The following NBEA variants were observed in gnomAD, a reference collection of about 807,000 sequenced individuals.
NBEA encodes the protein lysosomal-trafficking regulator 2.
In NBEA, 44 loss-of-function variants were observed where a neutral mutation model predicts 343.4. That is an observed-to-expected ratio of 0.13 (90% confidence interval 0.10 to 0.16). The LOEUF (loss-of-function observed/expected upper bound fraction) is 0.16. Among genes scored for constraint, NBEA ranks in the 10% least tolerant of loss-of-function variants. NBEA has a pLI of 1.00. For synonymous variants in NBEA, 1,175 were observed against 1,238.7 expected, an observed-to-expected ratio of 0.95 and a Z score of 1.08; for missense variants, 2,555 against 3,631.3, an observed-to-expected ratio of 0.70 and a Z score of 7.62.
At chr13:35,425,906 CTTCT>C (rs1476863449) in intron 38 of NBEA, among the ~76,000 whole-genome samples, 4 of 152,126 alleles carry the variant, frequency 2.6e-5, no homozygotes, top group African/African-American at 7.2e-5. Context: ...ATGTAATGGC[CTTCT>C]TTGTCTCTTT....
At chr13:35,594,946 A>ATC (rs1236509919) in intron 47 of NBEA, among the ~76,000 whole-genome samples, 7 of 118,852 alleles carry the variant, frequency 5.9e-5, no homozygotes, top group Admixed American at 1.6e-4. Flanking sequence ...GTTTGACATC[A>ATC]TCACACACAC....
chr13:35,460,681 T>C (rs1011717918), intron 40 of NBEA, among the ~76,000 whole-genome samples: 1 of 152,254 alleles, frequency 6.6e-6, no homozygotes, highest in East Asian at 1.9e-4. Context: ...TAAGGTACTC[T>C]TAATTGTAAC....
At chr13:35,138,084 G>A (rs912620816) in intron 17 of NBEA, among the ~76,000 whole-genome samples, 14 of 152,174 alleles carry the variant, frequency 9.2e-5, no homozygotes, top group African/African-American at 3.4e-4. Flanking sequence ...GACAGTATCA[G>A]GAAGTTCTTG....
At chr13:35,236,083 T>C (rs549958193) in intron 34 of NBEA, among the ~76,000 whole-genome samples, 24 of 152,320 alleles carry the variant, frequency 1.6e-4, no homozygotes, top group African/African-American at 5.5e-4. Context: ...CTTCTCTTTA[T>C]AAAATGATGA....
chr13:35,274,523 G>C (rs1318969287), intron 34 of NBEA, among the ~76,000 whole-genome samples: 1 of 152,126 alleles, frequency 6.6e-6, no homozygotes, highest in African/African-American at 2.4e-5. Context: ...GGGCAATCAG[G>C]CAAGAGAAAG....
At position 35,569,994 on chromosome 13, in the gene NBEA, T is replaced by C. The variant is rs116131531; in HGVS notation, c.7035+2977T>C. On this transcript the variant is annotated intron_variant, in intron 45 of 58. Transcript: ENST00000379939. ...TCACTGTTTCTACAGTAACTGAAGA[T>C]ATAAACATTTCAAGGTTTTGTTTGT... Among the ~76,000 whole-genome samples, 777 of 152,314 alleles carry C rather than the reference T, an allele frequency of 5.1e-3. 10 individuals are homozygous for C. Among genetic ancestry groups the C allele is most frequent in the African/African-American group, 0.018 (730 of 41,570 alleles).
chr13:35,204,178 G>C lies in NBEA; in HGVS notation c.5367-4522G>C, dbSNP rs570420137. Among the ~76,000 whole-genome samples the C allele has an allele frequency of 6.6e-5, 10 of 152,256 alleles. No individual in the cohort carries two copies. In the South Asian group the frequency reaches 2.1e-3, roughly 32 times the overall value. ...GTGGTGGCATTGGATTCTTCTAGGAGTACAAACCCTACTGTGAACTGTGCA... is the reference window on the plus strand; with the variant it reads ...GTGGTGGCATTGGATTCTTCTAGGACTACAAACCCTACTGTGAACTGTGCA... On this transcript the variant is annotated intron_variant, in intron 31 of 58. Coordinates refer to ENST00000379939, the MANE Select transcript of NBEA (RefSeq NM_001385012.1).
At chr13:35,344,607 G>T (rs918950940) in intron 36 of NBEA, among the ~76,000 whole-genome samples, 5 of 151,790 alleles carry the variant, frequency 3.3e-5, no homozygotes, top group Non-Finnish European at 5.9e-5. Flanking sequence ...AATTAGAAAA[G>T]AAAATGAGAG....
intron 35 of NBEA, among the ~76,000 whole-genome samples, chr13:35,307,310 C>G (rs1247354735): frequency 6.6e-6 from 1 of 151,996 alleles, no homozygotes; most frequent in Non-Finnish European, 1.5e-5. Flanking sequence ...ACAAATTACT[C>G]TTCTAAAACA....
intron 34 of NBEA, among the ~76,000 whole-genome samples, chr13:35,265,206 A>G (rs781123405): frequency 1.7e-4 from 26 of 152,014 alleles, no homozygotes; most frequent in Middle Eastern, 3.4e-3. Flanking sequence ...TGAAAATTAT[A>G]AAACATAGAT....
At chr13:35,057,960 A>G (rs2152567094) in intron 7 of NBEA, among the ~76,000 whole-genome samples, 1 of 152,206 alleles carries the variant, frequency 6.6e-6, no homozygotes, top group African/African-American at 2.4e-5. Flanking sequence ...AGTACTTCTT[A>G]CATATATAAT....
intron 18 of NBEA, among the ~76,000 whole-genome samples, chr13:35,149,710 ATT>A (rs1298696009): frequency 6.6e-6 from 1 of 152,120 alleles, no homozygotes; most frequent in East Asian, 1.9e-4. Flanking sequence ...ACCTATGTGA[ATT>A]TTTGAGCATC....
chr13:35,666,607 A>G (rs1210504690), intron 56 of NBEA, among the ~76,000 whole-genome samples: 1 of 152,190 alleles, frequency 6.6e-6, no homozygotes, highest in Non-Finnish European at 1.5e-5. Context: ...TATTCAGCTC[A>G]ATTAAAAATA....
At chr13:35,157,778 A>G (rs1177091949) in intron 21 of NBEA, among the ~76,000 whole-genome samples, 2 of 152,090 alleles carry the variant, frequency 1.3e-5, no homozygotes, top group Admixed American at 1.3e-4. Context: ...GAAATAGTGA[A>G]TTAAACTGTA....
chr13:35,508,045 A>T (rs1370952287), intron 41 of NBEA, among the ~76,000 whole-genome samples: 1 of 152,164 alleles, frequency 6.6e-6, no homozygotes, highest in South Asian at 2.1e-4. Context: ...TATTACCCTT[A>T]AAGATAGGAA....
intron 35 of NBEA, among the ~76,000 whole-genome samples, chr13:35,309,224 T>G (rs887899851): frequency 3.9e-5 from 6 of 152,204 alleles, no homozygotes; most frequent in South Asian, 2.1e-4. Flanking sequence ...AGGTCTCTTT[T>G]GGTCATTTGC....
At chr13:35,012,387 A>G (rs1283086173) in intron 1 of NBEA, among the ~76,000 whole-genome samples, 1 of 151,922 alleles carries the variant, frequency 6.6e-6, no homozygotes, top group Non-Finnish European at 1.5e-5. Flanking sequence ...TGGCCTAATC[A>G]CCTCTCTTTA....
Position 35,362,111 on chromosome 13 carries a change from G to A in NBEA, c.6179+9788G>A, listed in dbSNP as rs74050708. ...GAAAGGTTTTATAGGTGATTATTCA[G>A]TTGTCAACACTAGTATTTGTCACAG... On this transcript the variant is annotated intron_variant, in intron 38 of 58. Coordinates refer to ENST00000379939, the MANE Select transcript of NBEA (RefSeq NM_001385012.1). Among the ~76,000 whole-genome samples, 887 of 152,046 alleles carry A rather than the reference G, an allele frequency of 5.8e-3. 17 individuals carry two copies. The highest frequency in any genetic ancestry group is 0.02 in the African/African-American group (834 of 41,516).
In NBEA at chr13:35,288,581, G is replaced by A. The variant is rs961633541; in HGVS notation, c.5777-1808G>A. Among the ~76,000 whole-genome samples the A allele has an allele frequency of 2.6e-5, 4 of 151,792 alleles. No individual in the cohort carries two copies. In the East Asian group the frequency reaches 7.7e-4, roughly 29 times the overall value. Reference sequence around the variant, plus strand: ...ATTTGTTTATATTTTTCTTATGATGGAATGATGGTATTTGTAAAAAACTAT... The same window carrying A: ...ATTTGTTTATATTTTTCTTATGATGAAATGATGGTATTTGTAAAAAACTAT... On this transcript the variant is annotated intron_variant, in intron 34 of 58. Transcript: ENST00000379939.
Sources: allele counts gnomAD v4.1 joint callset (sites outside exome capture counted in the v4.1 genomes callset), GRCh38; gene constraint gnomAD v4.1.1; transcripts MANE v1.5; gene names NCBI Gene and HGNC (gene_info 2026-07-23, HGNC 2026-07-21).